Variants in ABCA9 observed in about 807,000 individuals in gnomAD.
ABCA9 encodes ATP binding cassette subfamily A member 9, also known as ATP-binding cassette sub-family A member 9.
A neutral mutation model predicts 205.3 loss-of-function variants in ABCA9; 183 were observed. The ratio of observed to expected loss-of-function variants is 0.89; its 90% CI spans 0.79 to 1.01. The LOEUF (loss-of-function observed/expected upper bound fraction) is 1.01. Among genes scored for constraint, ABCA9 ranks in the 50% least tolerant of loss-of-function variants. ABCA9 has a pLI of 0.00. For synonymous variants in ABCA9, 651 were observed against 683.3 expected (o/e 0.95, Z 0.74); for missense variants, 1,805 against 1,912.4 (o/e 0.94, Z 1.05).
At chr17:69,013,021 C>G (rs1026412708) in intron 22 of ABCA9, among the ~76,000 whole-genome samples, 1 of 152,170 alleles carries the variant, frequency 6.6e-6, no homozygotes, top group Non-Finnish European at 1.5e-5. Flanking sequence ...ATCTCCAGTT[C>G]CATCTACGTT....
intron 19 of ABCA9, among the ~76,000 whole-genome samples, chr17:69,019,691 A>G (rs2070750189): frequency 3.3e-5 from 5 of 152,296 alleles, no homozygotes; most frequent in African/African-American, 1.2e-4. Flanking sequence ...TTTTGGATGA[A>G]TGAATGTTCT....
the ABCA9 span, among the ~76,000 whole-genome samples, chr17:69,076,283 G>T: frequency 6.6e-6 from 1 of 151,970 alleles, no homozygotes; most frequent in Non-Finnish European, 1.5e-5. Context: ...TACTCATATG[G>T]TTTTATTTTT....
At chr17:69,026,505 A>G in intron 15 of ABCA9, 38 bp from the exon 16 acceptor site, 10 of 1,528,570 alleles carry the variant, frequency 6.5e-6, no homozygotes, top group Non-Finnish European at 9.0e-6. Flanking sequence ...TACATGAAGG[A>G]CTTATTTCTT....
At chr17:69,070,545 A>G in the ABCA9 span, among the ~76,000 whole-genome samples, 1 of 152,158 alleles carries the variant, frequency 6.6e-6, no homozygotes, top group East Asian at 1.9e-4. Context: ...GCCTTGAGGG[A>G]TGGTGCACTC....
chr17:68,986,089 T>A, intron 32 of ABCA9, 75 bp downstream of exon 32: 3 of 1,439,206 alleles, frequency 2.1e-6, no homozygotes. Flanking sequence ...ACAACCTCCC[T>A]GTCTTCATTT....
At chr17:68,983,891 A>C in intron 35 of ABCA9, 42 bp from the exon 36 acceptor site, 1 of 1,613,556 alleles carries the variant, frequency 6.2e-7, no homozygotes, top group Non-Finnish European at 8.5e-7. Context: ...GAAAAGAGAA[A>C]AATGTATGGC....
upstream of ABCA9, among the ~76,000 whole-genome samples, chr17:69,062,068 G>A (rs773283465): frequency 2.7e-5 from 4 of 150,316 alleles, no homozygotes; most frequent in African/African-American, 7.4e-5. Flanking sequence ...AATTATATGC[G>A]ATCCAGAAGT....
intron 17 of ABCA9, among the ~76,000 whole-genome samples, chr17:69,022,675 A>G (rs2070858507): frequency 3.3e-5 from 5 of 152,110 alleles, no homozygotes; most frequent in African/African-American, 1.2e-4. Flanking sequence ...GCCCATAAAT[A>G]TGTAAAGTTT....
At chr17:69,018,313 A>C (rs1361318028) in intron 20 of ABCA9, 100 bp downstream of exon 20, 2 of 1,125,126 alleles carry the variant, frequency 1.8e-6, no homozygotes, top group Non-Finnish European at 1.2e-6. Flanking sequence ...TGCTTTCTAA[A>C]ACATACAGAG....
intron 16 of ABCA9, among the ~76,000 whole-genome samples, chr17:69,025,905 T>G (rs897770959): frequency 6.6e-6 from 1 of 152,066 alleles, no homozygotes; most frequent in Non-Finnish European, 1.5e-5. Flanking sequence ...TGTAAATATC[T>G]TAGTAAGTAC....
upstream of ABCA9, among the ~76,000 whole-genome samples, chr17:69,064,340 C>T (rs1293971838): frequency 4.6e-5 from 7 of 152,132 alleles, no homozygotes; most frequent in Non-Finnish European, 8.8e-5. Context: ...TGTTAACAAA[C>T]GTATCAGGAT....
chr17:69,036,871 CAAAAAAAAA>C (rs781565554), intron 6 of ABCA9, among the ~76,000 whole-genome samples: 417 of 4,710 alleles, frequency 0.089, 3 homozygotes, highest in African/African-American at 0.23. Flanking sequence ...AAATGGAAAG[CAAAAAAAAA>C]AAAAAAAAAA....
At chr17:69,001,325 C>A (rs1461413332) in intron 25 of ABCA9, among the ~76,000 whole-genome samples, 2 of 152,034 alleles carry the variant, frequency 1.3e-5, no homozygotes, top group East Asian at 1.9e-4. Flanking sequence ...TTTTAGCATG[C>A]AAGGTTGTTG....
chr17:69,005,137 G>T (rs2070079233), intron 25 of ABCA9, among the ~76,000 whole-genome samples: 2 of 152,162 alleles, frequency 1.3e-5, no homozygotes, highest in East Asian at 3.9e-4. Flanking sequence ...CGGCCATCTT[G>T]GCTCGTCCCT....
chr17:68,994,199 T>C (rs1233555821), intron 26 of ABCA9, among the ~76,000 whole-genome samples: 1 of 152,242 alleles, frequency 6.6e-6, no homozygotes, highest in African/African-American at 2.4e-5. Context: ...TTTAGTTTTT[T>C]GGCATCCTTA....
At chr17:68,993,174 A>G (rs2069510771) in intron 26 of ABCA9, 90 bp from the exon 27 acceptor site, 3 of 1,071,700 alleles carry the variant, frequency 2.8e-6, no homozygotes, top group South Asian at 2.7e-5. Context: ...TGCCTATTCA[A>G]TGGCCTTACA....
At chr17:69,024,187 C>G (rs10512522) in intron 17 of ABCA9, 27 bp downstream of exon 17, 37 of 1,609,262 alleles carry the variant, frequency 2.3e-5, no homozygotes, top group African/African-American at 1.6e-4. Context: ...ATTCCAAAAC[C>G]ATTCTGTCAT....
At chr17:69,033,636 T>C (rs2071235312) in intron 9 of ABCA9, 90 bp downstream of exon 9, 1 of 1,138,666 alleles carries the variant, frequency 8.8e-7, no homozygotes, top group Admixed American at 2.6e-5. Context: ...GAAAAACTGC[T>C]TGCTAATTTT....
intron 17 of ABCA9, 30 bp from the exon 18 acceptor site, chr17:69,021,891 G>A: frequency 3.7e-6 from 5 of 1,336,288 alleles, no homozygotes; most frequent in Admixed American, 2.5e-5. Context: ...CAGATTATAA[G>A]AATATAATTT....
Sources: allele counts gnomAD v4.1 joint callset (sites outside exome capture counted in the v4.1 genomes callset), GRCh38; gene constraint gnomAD v4.1.1; transcripts MANE v1.5; gene names NCBI Gene and HGNC (gene_info 2026-07-23, HGNC 2026-07-21).